Variants in UBA3 observed in about 807,000 individuals in gnomAD.
UBA3 encodes NEDD8-activating enzyme E1 catalytic subunit.
Under a neutral mutation model 73.5 loss-of-function variants are expected in UBA3, and 26 were observed. The observed-to-expected ratio is 0.35, with a 90% CI of 0.26 to 0.49. UBA3 has a LOEUF of 0.49. UBA3 is among the 20% of genes least tolerant of loss of function. The pLI, the probability that UBA3 is intolerant of heterozygous loss-of-function variation, is 0.98. For missense variants in UBA3, 495 were observed against 555.6 expected, an observed-to-expected ratio of 0.89 and a Z score of 1.10; for synonymous variants, 217 against 191.2, an observed-to-expected ratio of 1.13 and a Z score of -1.11.
intron 17 of UBA3, 123 bp from the exon 18 acceptor site, chr3:69,055,648 C>A (rs548806957): frequency 2.2e-6 from 2 of 892,712 alleles, no homozygotes; most frequent in South Asian, 1.6e-5. Context: ...CCTCTTTAAT[C>A]AAAGTAATAT....
intron 11 of UBA3, among the ~76,000 whole-genome samples, chr3:69,057,879 A>G (rs1352906866): frequency 1.3e-5 from 2 of 151,718 alleles, no homozygotes; most frequent in Non-Finnish European, 2.9e-5. Context: ...AACCGAGGCT[A>G]CACAAAATAT....
At position 69,056,662 on chromosome 3, in the gene UBA3, A is replaced by T. The variant is rs1252794754; in HGVS notation, c.1033T>A (p.Phe345Ile). The change falls in exon 14 of 18, where the codon TTT (phenylalanine) becomes ATT (isoleucine). Residue 345 changes from phenylalanine (F) to isoleucine (I), a missense_variant. Transcript: ENST00000361055. ...GTATACAGCCCATCTACATCATTAA[A>T]CACCAAGTAATTATTCAAGGGAATG... ...AYIPLNNYLV[F>I]NDVDGLYTYT... The T allele has an allele frequency of 1.2e-6, 2 of 1,613,374 alleles. No homozygotes were observed. Among genetic ancestry groups the T allele is most frequent in the Non-Finnish European group, 1.7e-6 (2 of 1,179,606 alleles).
rs749053790 is a variant in UBA3 at position 69,056,198 on chromosome 3, G to A, written c.1169C>T (p.Thr390Ile). The A allele has an allele frequency of 1.9e-6, 3 of 1,593,138 alleles. No individual in the cohort carries two copies. The highest frequency in any genetic ancestry group is 2.6e-6 in the Non-Finnish European group (3 of 1,174,164). ...AKLQEVLDYL[T>I]NSASLQMKSP... ...CAATACTTACAGAGAAGCACTATTG[G>A]TTAGATAATCCAAAACCTCCTGTAG... Residue 390 changes from threonine to isoleucine, a missense_variant, in exon 15 of 18, where the codon ACC becomes ATC. Physicochemically the swap from Thr to Ile is moderately conservative, Grantham distance 89. Coordinates refer to ENST00000361055, the MANE Select transcript of UBA3 (RefSeq NM_003968.4).
intron 4 of UBA3, among the ~76,000 whole-genome samples, chr3:69,073,817 TATTTTTTA>T (rs2092142471): frequency 6.6e-6 from 1 of 151,984 alleles, no homozygotes; most frequent in African/African-American, 2.4e-5. Flanking sequence ...TTGTTTTCTG[TATTTTTTA>T]GTAGAGACGG....
chr3:69,073,369 TTCTC>T (rs1187447181), intron 4 of UBA3, among the ~76,000 whole-genome samples: 10 of 152,334 alleles, frequency 6.6e-5, no homozygotes, highest in Non-Finnish European at 1.2e-4. Context: ...GTACCTGTTA[TTCTC>T]TCTAACTAGA....
intron 4 of UBA3, among the ~76,000 whole-genome samples, chr3:69,073,724 C>G (rs2092141288): frequency 1.3e-5 from 2 of 150,146 alleles, no homozygotes; most frequent in Admixed American, 1.3e-4. Context: ...CAAGCTCTGC[C>G]TCCCGGGTTC....
intron 5 of UBA3, among the ~76,000 whole-genome samples, chr3:69,068,476 T>TC: frequency 7.0e-6 from 1 of 141,982 alleles, no homozygotes; most frequent in Non-Finnish European, 1.5e-5. Context: ...AAATTTTGTG[T>TC]CCCCTAAGAA....
Position 69,075,433 on chromosome 3 carries a change from AT to A in UBA3, c.260del (p.Asn87IlefsTer13). 6.6e-7 allele frequency: 1 copy of A among 1,520,784 alleles called. No homozygotes were observed. The highest frequency in any genetic ancestry group is 8.8e-7 in the Non-Finnish European group (1 of 1,134,598). 94.2% of individuals were successfully genotyped at this position (1,520,784 alleles called of 1,614,324 possible). A position where few individuals can be genotyped will look rare whatever the true frequency, so the allele number is the denominator to read the frequency against. The part of the protein sequence containing the change: ...AGGLGCELLK[N>X]LALSGFRQIH... ...TATATATATGTATATATATTACCAG[AT>A]TTTTCAGGAGCTCACATCCTAAGCC... On this transcript the variant is annotated frameshift_variant, in exon 4 of 18. Transcript: ENST00000361055. LOFTEE classifies it high-confidence loss of function.
chr3:69,067,831 T>C (rs2092086353), intron 6 of UBA3, 97 bp downstream of exon 6: 3 of 849,494 alleles, frequency 3.5e-6, no homozygotes, highest in East Asian at 3.0e-5. Flanking sequence ...TGACTTTTTT[T>C]CCCTCTTGCT....
chr3:69,057,918 A>ATTTT (rs1369207209), intron 11 of UBA3, among the ~76,000 whole-genome samples: 1 of 97,596 alleles, frequency 1.0e-5, no homozygotes, highest in Admixed American at 1.3e-4. Flanking sequence ...TCAACCCCAC[A>ATTTT]TTTTTCTTTT....
intron 7 of UBA3, 71 bp downstream of exon 7, chr3:69,063,997 A>G (rs1176209890): frequency 7.9e-7 from 1 of 1,264,564 alleles, no homozygotes; most frequent in African/African-American, 1.5e-5. Context: ...AATAGCTAGC[A>G]ATATTTGAAT....
At chr3:69,075,800 C>T (rs1187012470) in intron 3 of UBA3, among the ~76,000 whole-genome samples, 13 of 151,940 alleles carry the variant, frequency 8.6e-5, no homozygotes, top group African/African-American at 1.9e-4. Context: ...GATGGGATCT[C>T]GGCTCACTGC....
rs1449171936 is a variant in UBA3 at position 69,063,516 on chromosome 3, A to G, written c.473-13T>C. 8 of 1,562,454 alleles carry G rather than the reference A, an allele frequency of 5.1e-6. No individual in the cohort carries two copies. The highest frequency in any genetic ancestry group is 6.9e-6 in the Non-Finnish European group (8 of 1,164,812). On this transcript the variant is annotated splice_polypyrimidine_tract_variant and intron_variant, in intron 7 of 17. Coordinates refer to ENST00000361055, the MANE Select transcript of UBA3 (RefSeq NM_003968.4). ...ATAATATGAAATTCTACAAAAAAAA[A>G]AAAAAGCAACTTTAGTTTTTAAATA...
At chr3:69,070,989 G>A (rs6775065) in intron 5 of UBA3, 32,957 of 152,588 alleles carry the variant, frequency 0.22, 3,648 homozygotes, top group East Asian at 0.38. Context: ...ACTCCTTGAT[G>A]TTCTCTATAT....
chr3:69,075,341 C>A, intron 4 of UBA3, 89 bp downstream of exon 4: 1 of 555,150 alleles, frequency 1.8e-6, no homozygotes, highest in South Asian at 5.4e-5. Flanking sequence ...GGTTAAGAAT[C>A]ACGAGAAATT....
intron 11 of UBA3, among the ~76,000 whole-genome samples, chr3:69,060,630 C>G (rs968904427): frequency 2.0e-5 from 3 of 152,170 alleles, no homozygotes; most frequent in African/African-American, 7.2e-5. Flanking sequence ...GAACCTGAAG[C>G]TGTACAACAT....
intron 8 of UBA3, 124 bp downstream of exon 8, chr3:69,063,315 G>C: frequency 8.1e-7 from 1 of 1,233,324 alleles, no homozygotes; most frequent in East Asian, 2.6e-5. Flanking sequence ...AATAAACAAT[G>C]AAGTAAATAT....
In UBA3 at chr3:69,071,552, A is replaced by G. The variant is rs2092122355; in HGVS notation, c.330T>C (p.Asn110=). 1 of 1,559,122 alleles carries G rather than the reference A, an allele frequency of 6.4e-7. No individual in the cohort carries two copies. The highest frequency in any genetic ancestry group is 8.6e-7 in the Non-Finnish European group (1 of 1,157,922). ...AAACTTACCTAAATAAAAACTGCCT[A>G]TTTAGATTGGAAACATCTATAGTGT... The part of the protein sequence containing the change: ...DMDTIDVSNL[N]RQFLFRPKDI... Residue 110 remains asparagine, a synonymous_variant, in exon 5 of 18, where the codon AAT becomes AAC. Transcript: ENST00000361055.
chr3:69,071,116 A>G (rs2092119115), intron 5 of UBA3: 1 of 159,398 alleles, frequency 6.3e-6, no homozygotes, highest in Non-Finnish European at 1.4e-5. Context: ...CTCTTTCCCA[A>G]CTTTATTGCT....
Sources: gnomAD v4.1 joint callset for allele counts (sites outside exome capture counted in the v4.1 genomes callset) on GRCh38, gnomAD v4.1.1 for gene constraint, MANE v1.5 for transcripts, NCBI Gene and HGNC (gene_info 2026-07-23, HGNC 2026-07-21) for gene names.